JAKMIP2: variants seen among roughly 807,000 people sequenced by gnomAD.
The protein encoded by JAKMIP2 is janus kinase and microtubule-interacting protein 2.
In JAKMIP2, 25 loss-of-function variants were observed where a neutral mutation model predicts 115.0. That is an observed-to-expected ratio of 0.22 (90% CI 0.16 to 0.30). The LOEUF (loss-of-function observed/expected upper bound fraction) is 0.30. Among genes scored for constraint, JAKMIP2 ranks in the 10% least tolerant of loss-of-function variants. JAKMIP2 has a pLI of 1.00. For missense variants in JAKMIP2, 642 were observed against 957.6 expected (o/e 0.67, Z 4.35); for synonymous variants, 334 against 343.6 (o/e 0.97, Z 0.31).
intron 1 of JAKMIP2, among the ~76,000 whole-genome samples, chr5:147,744,753 T>C (rs1754288276): frequency 6.6e-6 from 1 of 152,020 alleles, no homozygotes; most frequent in Non-Finnish European, 1.5e-5. Context: ...CCCAGATCCT[T>C]GTGTGGATAT....
At chr5:147,633,104 A>C (rs2126691424) in intron 12 of JAKMIP2, among the ~76,000 whole-genome samples, 1 of 152,304 alleles carries the variant, frequency 6.6e-6, no homozygotes, top group East Asian at 1.9e-4. Context: ...ACCAAATTTA[A>C]TGGTATACAT....
At chr5:147,602,265 G>A (rs186293608) in intron 20 of JAKMIP2, among the ~76,000 whole-genome samples, 2 of 151,966 alleles carry the variant, frequency 1.3e-5, no homozygotes, top group Non-Finnish European at 1.5e-5. Context: ...ATCTTTTTTG[G>A]TTACTATGAT....
At chr5:147,622,836 T>A (rs1412613743) in intron 17 of JAKMIP2, among the ~76,000 whole-genome samples, 1 of 152,240 alleles carries the variant, frequency 6.6e-6, no homozygotes, top group Non-Finnish European at 1.5e-5. Context: ...CCATACTTTT[T>A]TTCATAGTGG....
chr5:147,765,607 T>A (rs1163314720), intron 1 of JAKMIP2, among the ~76,000 whole-genome samples: 2 of 152,286 alleles, frequency 1.3e-5, no homozygotes, highest in East Asian at 1.9e-4. Context: ...CTAATATCCA[T>A]CAGGGACTTC....
Position 147,585,588 on chromosome 5 carries a change from T to C in JAKMIP2, c.*6119A>G, listed in dbSNP as rs941683877. ...CCAATCTCTACGGTAATACATACAG[T>C]ACATGTACATATTCGGTGTACTTCA... On this transcript the variant is annotated 3_prime_UTR_variant, in exon 22 of 22. Coordinates refer to ENST00000616793, the MANE Select transcript of JAKMIP2 (RefSeq NM_001270941.2). 11 of 152,190 alleles carry C rather than the reference T, an allele frequency of 7.2e-5. No homozygotes were observed. The highest frequency in any genetic ancestry group is 2.7e-4 in the African/African-American group (11 of 41,440). The allele number at this position is 152,190 out of a possible 1,614,324, so 9.4% of individuals were successfully genotyped here.
intron 2 of JAKMIP2, among the ~76,000 whole-genome samples, chr5:147,668,143 C>G (rs1405460810): frequency 6.6e-6 from 1 of 152,192 alleles, no homozygotes; most frequent in Non-Finnish European, 1.5e-5. Context: ...AATGGGACAG[C>G]TCCTGTCTGG....
chr5:147,697,810 A>G (rs1207664372), intron 1 of JAKMIP2, among the ~76,000 whole-genome samples: 2 of 152,266 alleles, frequency 1.3e-5, no homozygotes, highest in Non-Finnish European at 2.9e-5. Flanking sequence ...ATGTCCAGGC[A>G]GAAATTTGCT....
chr5:147,668,533 T>TA (rs760051474), intron 2 of JAKMIP2, among the ~76,000 whole-genome samples: 28 of 152,286 alleles, frequency 1.8e-4, no homozygotes, highest in African/African-American at 6.7e-4. Flanking sequence ...GGAAAGCTGT[T>TA]AAAGAGAATC....
chr5:147,721,300 T>C (rs1349192503), intron 1 of JAKMIP2, among the ~76,000 whole-genome samples: 9 of 152,118 alleles, frequency 5.9e-5, no homozygotes, highest in Non-Finnish European at 1.2e-4. Flanking sequence ...TGCTGTCTTT[T>C]TGTTTGTCTG....
chr5:147,754,136 C>A (rs1754660615), intron 1 of JAKMIP2, among the ~76,000 whole-genome samples: 1 of 152,152 alleles, frequency 6.6e-6, no homozygotes, highest in Non-Finnish European at 1.5e-5. Flanking sequence ...CTGATGGTTC[C>A]AACTTAAATA....
rs1754936050 is a variant in JAKMIP2 at position 147,587,778 on chromosome 5, T to G, written c.*3929A>C. ...ATTTATTTAAAATTGAAAGCAAAGT[T>G]GAAACAAAATACTGCAGCAAAATTT... On this transcript the variant is annotated 3_prime_UTR_variant, in exon 22 of 22. Transcript: ENST00000616793. 1 of 152,114 alleles carries G rather than the reference T, an allele frequency of 6.6e-6. No individual in the cohort carries two copies. The highest frequency in any genetic ancestry group is 2.4e-5 in the African/African-American group (1 of 41,424). The allele number at this position is 152,114 out of a possible 1,614,324, so 9.4% of individuals were successfully genotyped here.
intron 16 of JAKMIP2, among the ~76,000 whole-genome samples, chr5:147,625,728 C>G (rs1178305767): frequency 6.6e-6 from 1 of 152,166 alleles, no homozygotes; most frequent in Non-Finnish European, 1.5e-5. Flanking sequence ...TCCCAAGCCT[C>G]AGTTTCCTCA....
Position 147,585,991 on chromosome 5 carries a change from A to T in JAKMIP2, c.*5716T>A, listed in dbSNP as rs1288411535. The T allele has an allele frequency of 6.6e-6, 1 of 151,844 alleles. No individual in the cohort carries two copies. Among genetic ancestry groups the T allele is most frequent in the Admixed American group, 6.6e-5 (1 of 15,252 alleles). The allele number at this position is 151,844 out of a possible 1,614,324, so 9.4% of individuals were successfully genotyped here. ...CAAAAAAAAGAAACATCAACCAACCAACCAAACAAATAAAAAAAACCTATT... is the reference window on the plus strand; with the variant it reads ...CAAAAAAAAGAAACATCAACCAACCTACCAAACAAATAAAAAAAACCTATT... On this transcript the variant is annotated 3_prime_UTR_variant, in exon 22 of 22. Coordinates refer to ENST00000616793, the MANE Select transcript of JAKMIP2 (RefSeq NM_001270941.2).
At chr5:147,630,612 C>T (rs1757310956) in intron 14 of JAKMIP2, among the ~76,000 whole-genome samples, 1 of 152,034 alleles carries the variant, frequency 6.6e-6, no homozygotes, top group South Asian at 2.1e-4. Context: ...TATAGTAGAG[C>T]CCTACCACCA....
At position 147,773,073 on chromosome 5, in the gene JAKMIP2, C is replaced by T. The variant is rs73794505; in HGVS notation, c.-149+9383G>A. Among the ~76,000 whole-genome samples the T allele has an allele frequency of 7.6e-3, 1,157 of 152,182 alleles. 18 individuals carry two copies. The highest frequency in any genetic ancestry group is 0.027 in the African/African-American group (1,113 of 41,508). The stretch of plus-strand genomic sequence containing the variant: ...TTGTTATTAGGAAGGTCAGCGCTAA[C>T]GCATTAACTACTGGAATAAATAGTT... On this transcript the variant is annotated intron_variant, in intron 1 of 21. Transcript: ENST00000616793.
In JAKMIP2 at chr5:147,589,154, A is replaced by T. The variant is rs951436327; in HGVS notation, c.*2553T>A. ...TGGAACCTACCTAGTTGAATAAAGA[A>T]TCCAGCAGGAGGCCGGGCACAGTGG... On this transcript the variant is annotated 3_prime_UTR_variant, in exon 22 of 22. Coordinates refer to ENST00000616793, the MANE Select transcript of JAKMIP2 (RefSeq NM_001270941.2). 5 of 152,170 alleles carry T rather than the reference A, an allele frequency of 3.3e-5. No individual in the cohort carries two copies. Among genetic ancestry groups the T allele is most frequent in the African/African-American group, 1.2e-4 (5 of 41,426 alleles). The allele number at this position is 152,170 out of a possible 1,614,324, so 9.4% of individuals were successfully genotyped here.
intron 1 of JAKMIP2, among the ~76,000 whole-genome samples, chr5:147,700,846 T>C (rs922030148): frequency 3.3e-5 from 5 of 152,196 alleles, no homozygotes; most frequent in Non-Finnish European, 7.3e-5. Context: ...TTTTGTAACA[T>C]ATCTGGCTTT....
intron 16 of JAKMIP2, among the ~76,000 whole-genome samples, chr5:147,627,120 T>C (rs1468990917): frequency 1.3e-5 from 2 of 152,162 alleles, no homozygotes; most frequent in Non-Finnish European, 2.9e-5. Flanking sequence ...CAACTATTTG[T>C]CCTCATGGGC....
rs554689222 is a variant in JAKMIP2 at position 147,663,667 on chromosome 5, G to T, written c.130-2222C>A. Among the ~76,000 whole-genome samples, 66 of 152,262 alleles carry T rather than the reference G, an allele frequency of 4.3e-4. 1 individual carries two copies. In the South Asian group the frequency reaches 6.8e-3, roughly 16 times the overall value. On this transcript the variant is annotated intron_variant, in intron 2 of 21. Transcript: ENST00000616793. ...CACCTTAATAGTTAACCTACCTTTA[G>T]CTAGAACAGTATTTTCTAAGTTTGC...
Sources: gnomAD v4.1 joint callset for allele counts (sites outside exome capture counted in the v4.1 genomes callset) on GRCh38, gnomAD v4.1.1 for gene constraint, MANE v1.5 for transcripts, NCBI Gene and HGNC (gene_info 2026-07-23, HGNC 2026-07-21) for gene names.